Variants in DPP10 observed in about 807,000 individuals in gnomAD.
DPP10 encodes the protein dipeptidyl peptidase like 10, also known as inactive dipeptidyl peptidase 10.
DPP10 carries 33 observed loss-of-function variants against 120.9 expected under a neutral mutation model. The ratio of observed to expected loss-of-function variants is 0.27; its 90% CI spans 0.21 to 0.37. The LOEUF (loss-of-function observed/expected upper bound fraction) is 0.37, where lower values mean the gene tolerates loss of function less well. DPP10 is among the 10% of genes least tolerant of loss of function. The pLI, the probability that DPP10 is intolerant of heterozygous loss-of-function variation, is 1.00. For synonymous variants in DPP10, 337 were observed against 326.1 expected, an observed-to-expected ratio of 1.03 and a Z score of -0.36; for missense variants, 816 against 942.8, an observed-to-expected ratio of 0.87 and a Z score of 1.76.
chr2:115,840,318 G>GTTTT lies in DPP10; in HGVS notation c.2183-432_2183-431insTTTT, dbSNP rs1559227733. On this transcript the variant is annotated intron_variant, in intron 24 of 25. Transcript: ENST00000410059. ...CCTAAAGCCAGATATAAGGTTTTTT[G>GTTTT]GTTTTTTTTTTTTTTTTTTTTTTGA... Among the ~76,000 whole-genome samples the GTTTT allele has an allele frequency of 1.6e-4, 5 of 31,860 alleles. 1 individual carries two copies. Among genetic ancestry groups the GTTTT allele is most frequent in the African/African-American group, 4.9e-4 (5 of 10,218 alleles). The allele number at this position is 31,860 out of a possible 152,430, so 20.9% of individuals were successfully genotyped here. A position where few individuals can be genotyped will look rare whatever the true frequency, so the allele number is the denominator to read the frequency against.
At chr2:115,300,055 A>C (rs2061055659) in intron 1 of DPP10, among the ~76,000 whole-genome samples, 1 of 152,022 alleles carries the variant, frequency 6.6e-6, no homozygotes. Context: ...AAGACATTTA[A>C]TATATTGTTT....
intron 3 of DPP10, among the ~76,000 whole-genome samples, chr2:115,416,719 A>G (rs1206260564): frequency 1.3e-5 from 2 of 152,206 alleles, no homozygotes; most frequent in African/African-American, 4.8e-5. Flanking sequence ...TTTTCATGTG[A>G]CAAGCATTTC....
chr2:114,588,975 A>G (rs1691226998), intron 1 of DPP10, among the ~76,000 whole-genome samples: 1 of 140,836 alleles, frequency 7.1e-6, no homozygotes, highest in African/African-American at 2.7e-5. Flanking sequence ...ATGGCACTAG[A>G]TGTTAGATTC....
chr2:114,875,116 C>G (rs746510706), intron 1 of DPP10, among the ~76,000 whole-genome samples: 6 of 152,190 alleles, frequency 3.9e-5, no homozygotes, highest in Middle Eastern at 3.4e-3. Flanking sequence ...TGTAGCTTGC[C>G]TTTACTTGTA....
chr2:115,274,499 A>C (rs1033575319), intron 1 of DPP10, among the ~76,000 whole-genome samples: 2 of 152,124 alleles, frequency 1.3e-5, no homozygotes, highest in Non-Finnish European at 2.9e-5. Flanking sequence ...GAGATCCTCC[A>C]GAGCTCTGAT....
intron 1 of DPP10, among the ~76,000 whole-genome samples, chr2:114,790,570 A>G (rs1683150354): frequency 6.6e-6 from 1 of 152,032 alleles, no homozygotes; most frequent in Non-Finnish European, 1.5e-5. Flanking sequence ...CCGAAAAGAG[A>G]GTCCGCAAAG....
intron 1 of DPP10, among the ~76,000 whole-genome samples, chr2:114,501,815 C>T (rs13382497): frequency 0.072 from 10,894 of 151,792 alleles, 1,270 homozygotes; most frequent in African/African-American, 0.25. Context: ...CTCAGAAGTA[C>T]GTATTCAGTC....
intron 1 of DPP10, among the ~76,000 whole-genome samples, chr2:114,883,294 G>C (rs186418779): frequency 3.3e-5 from 5 of 152,282 alleles, no homozygotes; most frequent in Admixed American, 3.3e-4. Flanking sequence ...CTTATAGTCT[G>C]TAGTCACAGG....
At chr2:115,091,694 A>G (rs1250526447) in intron 1 of DPP10, among the ~76,000 whole-genome samples, 1 of 152,206 alleles carries the variant, frequency 6.6e-6, no homozygotes. Context: ...GATGAACAAC[A>G]GCAAAAAGTC....
chr2:115,673,384 T>G (rs941280938), intron 5 of DPP10, among the ~76,000 whole-genome samples: 8 of 152,186 alleles, frequency 5.3e-5, no homozygotes, highest in Non-Finnish European at 1.2e-4. Flanking sequence ...AATAGAATAT[T>G]ATAAGAAATA....
At chr2:114,853,111 A>C (rs1689095372) in intron 1 of DPP10, among the ~76,000 whole-genome samples, 1 of 152,148 alleles carries the variant, frequency 6.6e-6, no homozygotes, top group Admixed American at 6.6e-5. Flanking sequence ...AAATTTGAAA[A>C]CAGGCAAAAC....
chr2:115,223,196 A>G (rs866279520), intron 1 of DPP10, among the ~76,000 whole-genome samples: 6 of 152,252 alleles, frequency 3.9e-5, no homozygotes, highest in African/African-American at 9.6e-5. Context: ...GGGTTGAGCT[A>G]TTTTAGCTTT....
intron 1 of DPP10, among the ~76,000 whole-genome samples, chr2:115,160,195 C>A (rs2052205633): frequency 6.6e-6 from 1 of 152,048 alleles, no homozygotes; most frequent in Non-Finnish European, 1.5e-5. Flanking sequence ...TTATTCCTAG[C>A]AAAAAGTTAT....
chr2:114,811,798 T>C (rs772588372), intron 1 of DPP10, among the ~76,000 whole-genome samples: 5 of 152,202 alleles, frequency 3.3e-5, no homozygotes, highest in Non-Finnish European at 5.9e-5. Flanking sequence ...TGATGAAACA[T>C]CATCCGTGTG....
At position 114,728,231 on chromosome 2, in the gene DPP10, T is replaced by A. The variant is rs115384651; in HGVS notation, c.60+285393T>A. 8.4e-3 allele frequency among the ~76,000 whole-genome samples: 1,281 copies of A among 152,226 alleles called. 20 individuals carry two copies. Among genetic ancestry groups the A allele is most frequent in the African/African-American group, 0.029 (1,225 of 41,538 alleles). On this transcript the variant is annotated intron_variant, in intron 1 of 25. Coordinates refer to ENST00000410059, the MANE Select transcript of DPP10 (RefSeq NM_020868.6). ...AGAAGGAACATAGCCCCCTTTCCTA[T>A]GGGAGGAGCCAGGAGGAGAAGATGC...
At chr2:115,550,762 C>G (rs918485678) in intron 5 of DPP10, among the ~76,000 whole-genome samples, 2 of 152,072 alleles carry the variant, frequency 1.3e-5, no homozygotes, top group Non-Finnish European at 2.9e-5. Flanking sequence ...AATTTAAGAT[C>G]TATTTATGTA....
At chr2:115,364,071 G>A (rs929511822) in intron 3 of DPP10, among the ~76,000 whole-genome samples, 2 of 147,574 alleles carry the variant, frequency 1.4e-5, no homozygotes, top group African/African-American at 5.0e-5. Flanking sequence ...AATAAGGAGG[G>A]ATTAAAATAT....
At chr2:114,475,205 T>A (rs559126955) in intron 1 of DPP10, among the ~76,000 whole-genome samples, 11 of 152,278 alleles carry the variant, frequency 7.2e-5, no homozygotes, top group African/African-American at 2.6e-4. Context: ...CCCAGATTTT[T>A]AAAAAACACT....
Position 114,861,103 on chromosome 2 carries a change from G to GTAT in DPP10, c.60+418268_60+418270dup, listed in dbSNP as rs530103635. On this transcript the variant is annotated intron_variant, in intron 1 of 25. Coordinates refer to ENST00000410059, the MANE Select transcript of DPP10 (RefSeq NM_020868.6). ...AATACGCTATTTGTGTGTAGATACT[G>GTAT]TATTACAAAACAAAAATACTTAGGT... is the stretch of plus-strand genomic sequence containing the variant. Among the ~76,000 whole-genome samples the GTAT allele has an allele frequency of 7.9e-5, 12 of 152,248 alleles. No individual in the cohort carries two copies. In the East Asian group the frequency reaches 2.1e-3, roughly 27 times the overall value.
Sources: allele counts gnomAD v4.1 joint callset (sites outside exome capture counted in the v4.1 genomes callset), GRCh38; gene constraint gnomAD v4.1.1; transcripts MANE v1.5; gene names NCBI Gene and HGNC (gene_info 2026-07-23, HGNC 2026-07-21).